TACC2: variants seen among roughly 807,000 people sequenced by gnomAD.
The protein encoded by TACC2 is transforming acidic coiled-coil containing protein 2.
A neutral mutation model predicts 227.3 loss-of-function variants in TACC2; 137 were observed. The observed-to-expected ratio is 0.60, with a 90% CI of 0.52 to 0.69. The LOEUF is 0.69. TACC2 is among the 30% of genes least tolerant of loss of function. The pLI is 0.00. For missense variants in TACC2, 3,470 were observed against 3,694.4 expected, an observed-to-expected ratio of 0.94 and a Z score of 1.57; for synonymous variants, 1,523 against 1,487.5, an observed-to-expected ratio of 1.02 and a Z score of -0.55.
At chr10:122,128,014 G>A (rs1261428013) in intron 5 of TACC2, among the ~76,000 whole-genome samples, 1 of 152,182 alleles carries the variant, frequency 6.6e-6, no homozygotes, top group African/African-American at 2.4e-5. Flanking sequence ...TTCTTAGCCT[G>A]TAGCCTGTTA....
intron 3 of TACC2, among the ~76,000 whole-genome samples, chr10:122,078,585 G>A (rs1158967293): frequency 6.6e-6 from 1 of 152,202 alleles, no homozygotes; most frequent in Admixed American, 6.5e-5. Flanking sequence ...GCCCCCAGAG[G>A]GTGAAAGGCT....
chr10:122,170,388 A>G (rs1409830316), intron 7 of TACC2, among the ~76,000 whole-genome samples: 1 of 146,564 alleles, frequency 6.8e-6, no homozygotes, highest in Non-Finnish European at 1.5e-5. Context: ...CTCCTGCCTC[A>G]GCCTCCCAAG....
At chr10:121,996,157 A>G (rs903699473) in intron 1 of TACC2, among the ~76,000 whole-genome samples, 2 of 151,336 alleles carry the variant, frequency 1.3e-5, no homozygotes, top group East Asian at 1.9e-4. Context: ...GGGCTCAAGC[A>G]CTCCTCCCAC....
At chr10:122,241,179 C>T (rs949280519) in intron 18 of TACC2, among the ~76,000 whole-genome samples, 17 of 152,128 alleles carry the variant, frequency 1.1e-4, no homozygotes, top group Non-Finnish European at 1.9e-4. Context: ...CGTTGGTTCT[C>T]GCTGAGCCAC....
At chr10:122,185,001 C>T (rs1461362623) in intron 7 of TACC2, among the ~76,000 whole-genome samples, 3 of 149,728 alleles carry the variant, frequency 2.0e-5, no homozygotes, top group Non-Finnish European at 3.0e-5. Context: ...ATGGTTTTTC[C>T]GTCTCCTCTG....
chr10:122,090,546 C>CAAAAAAAAAAAA (rs1188822419), intron 5 of TACC2, among the ~76,000 whole-genome samples: 4 of 41,090 alleles, frequency 9.7e-5, no homozygotes, highest in African/African-American at 1.7e-4. Flanking sequence ...GACTCTATCT[C>CAAAAAAAAAAAA]AAAAAAAAAA....
intron 3 of TACC2, among the ~76,000 whole-genome samples, chr10:122,056,184 CTGTTTT>C (rs1425164427): frequency 1.3e-5 from 2 of 152,112 alleles, no homozygotes; most frequent in Admixed American, 6.5e-5. Context: ...TTTTCTTTTT[CTGTTTT>C]TGAGACAGAG....
At chr10:122,061,197 G>A (rs1355438904) in intron 3 of TACC2, among the ~76,000 whole-genome samples, 1 of 142,216 alleles carries the variant, frequency 7.0e-6, no homozygotes, top group Non-Finnish European at 1.5e-5. Context: ...TGTAGTCCCA[G>A]CTGCTTGGGA....
chr10:122,229,406 G>C lies in TACC2; in HGVS notation c.7957G>C (p.Val2653Leu), dbSNP rs773434164. Residue 2653 changes from valine to leucine, a missense_variant, in exon 15 of 23, where the codon GTC becomes CTC. Val to Leu is a conservative substitution (Grantham distance 32). This residue lies in a region of TACC2 where 345 missense variants were observed against 354.4 expected (regional missense o/e 0.97). Transcript: ENST00000369005. ...CCTCCTCAGCAGGCTAGCTCACCCC[G>C]TCTCTCTCTGTGGTGCACTTGACTA... Reference protein sequence around the residue: ...DALLSRLAHPVSLCGALDYLE... With the variant: ...DALLSRLAHPLSLCGALDYLE... The C allele has an allele frequency of 1.9e-6, 3 of 1,613,696 alleles. No individual in the cohort carries two copies. Among genetic ancestry groups the C allele is most frequent in the Non-Finnish European group, 2.5e-6 (3 of 1,180,002 alleles).
chr10:122,004,053 T>C (rs1288760785), intron 1 of TACC2, among the ~76,000 whole-genome samples: 1 of 151,748 alleles, frequency 6.6e-6, no homozygotes, highest in Non-Finnish European at 1.5e-5. Flanking sequence ...AGAAAACTAA[T>C]GAAAGTTCAC....
At chr10:122,158,116 G>A (rs2092601541) in intron 7 of TACC2, among the ~76,000 whole-genome samples, 1 of 152,070 alleles carries the variant, frequency 6.6e-6, no homozygotes, top group African/African-American at 2.4e-5. Flanking sequence ...TGAGATTACA[G>A]GTGGCTCACA....
chr10:122,074,902 C>T (rs894418968), intron 3 of TACC2, among the ~76,000 whole-genome samples: 1 of 152,140 alleles, frequency 6.6e-6, no homozygotes, highest in Non-Finnish European at 1.5e-5. Context: ...CGGTCTCAGC[C>T]TTCCTTCTCC....
At chr10:122,102,702 C>T (rs2082309804) in intron 5 of TACC2, among the ~76,000 whole-genome samples, 1 of 152,210 alleles carries the variant, frequency 6.6e-6, no homozygotes, top group Non-Finnish European at 1.5e-5. Flanking sequence ...GCTTGTGAGA[C>T]CAGCCGTCAG....
In TACC2 at chr10:122,084,906, G is replaced by T; in HGVS notation, c.2406G>T (p.Gln802His). The T allele has an allele frequency of 6.2e-7, 1 of 1,614,132 alleles. No individual in the cohort carries two copies. Among genetic ancestry groups the T allele is most frequent in the African/African-American group, 1.3e-5 (1 of 75,046 alleles). The change falls in exon 4 of 23, where the codon CAG becomes CAT. Residue 802 changes from glutamine (Q) to histidine (H), a missense_variant. Transcript: ENST00000369005. ...GLTALILDQD[Q>H]QGIPSCPGEG... ...CGGCACTCATCCTGGACCAAGATCA[G>T]CAGGGAATCCCATCCTGCCCAGGGG...
At chr10:122,058,121 G>C (rs1280941580) in intron 3 of TACC2, among the ~76,000 whole-genome samples, 1 of 152,226 alleles carries the variant, frequency 6.6e-6, no homozygotes, top group Admixed American at 6.5e-5. Context: ...ACCTTTTAAT[G>C]TATAAAGCCT....
intron 1 of TACC2, among the ~76,000 whole-genome samples, chr10:122,012,912 CG>C (rs890174286): frequency 6.6e-6 from 1 of 152,170 alleles, no homozygotes; most frequent in Non-Finnish European, 1.5e-5. Flanking sequence ...CAGTGGGCCA[CG>C]GTGCTGCTCA....
At position 122,150,948 on chromosome 10, in the gene TACC2, T is replaced by G. The variant is rs2091977822; in HGVS notation, c.5834+7242T>G. ...ATGAAGTTGGAAAGACAGGCCTATTTACCAGCTGTGTGACATGGCATGAGT... is the reference window on the plus strand; with the variant it reads ...ATGAAGTTGGAAAGACAGGCCTATTGACCAGCTGTGTGACATGGCATGAGT... On this transcript the variant is annotated intron_variant, in intron 7 of 22. Transcript: ENST00000369005. The surrounding 1 kb of genome is among the most constrained non-coding windows in gnomAD (Gnocchi z 4.0). 6.6e-6 allele frequency among the ~76,000 whole-genome samples: 1 copy of G among 152,224 alleles called. No individual in the cohort carries two copies. Among genetic ancestry groups the G allele is most frequent in the Non-Finnish European group, 1.5e-5 (1 of 68,038 alleles).
intron 6 of TACC2, among the ~76,000 whole-genome samples, 160 bp downstream of exon 6, chr10:122,132,894 G>T (rs1165295671): frequency 2.0e-5 from 3 of 151,984 alleles, no homozygotes; most frequent in Non-Finnish European, 4.4e-5. Context: ...TCCTGAACAG[G>T]TGTGTGCCAG....
intron 11 of TACC2, among the ~76,000 whole-genome samples, chr10:122,220,616 G>A (rs1233469598): frequency 6.6e-6 from 1 of 152,202 alleles, no homozygotes; most frequent in African/African-American, 2.4e-5. Flanking sequence ...CGTGTGGGGC[G>A]GGGCCCCAGC....
Sources: allele counts gnomAD v4.1 joint callset (sites outside exome capture counted in the v4.1 genomes callset), GRCh38; gene constraint gnomAD v4.1.1; regional missense constraint gnomAD v4.1.1; non-coding constraint Gnocchi (gnomAD v3.1); transcripts MANE v1.5; gene names NCBI Gene and HGNC (gene_info 2026-07-23, HGNC 2026-07-21).